Variants in PDE4D observed in about 807,000 individuals in gnomAD.
The protein encoded by PDE4D is phosphodiesterase 4D.
A neutral mutation model predicts 87.4 loss-of-function variants in PDE4D; 24 were observed. That is an observed-to-expected ratio of 0.27 (90% CI 0.20 to 0.39). The LOEUF (loss-of-function observed/expected upper bound fraction) is 0.39. PDE4D is among the 10% of genes least tolerant of loss of function. The pLI is 1.00. For missense variants in PDE4D, 714 were observed against 1,041.0 expected (o/e 0.69, Z 4.32); for synonymous variants, 384 against 383.2 (o/e 1.00, Z -0.02).
chr5:60,279,687 T>TC (rs1370021841), intron 1 of PDE4D, among the ~76,000 whole-genome samples: 1 of 150,912 alleles, frequency 6.6e-6, no homozygotes, highest in Admixed American at 6.6e-5. Flanking sequence ...TTGATTTCTT[T>TC]TTTTTTTTTT....
chr5:59,775,637 G>A (rs528788046), intron 1 of PDE4D, among the ~76,000 whole-genome samples: 4 of 152,230 alleles, frequency 2.6e-5, no homozygotes, highest in African/African-American at 7.2e-5. Flanking sequence ...TTTAGTGCAC[G>A]AAAGATCTTG....
intron 2 of PDE4D, among the ~76,000 whole-genome samples, chr5:60,088,182 TA>T (rs889511690): frequency 2.0e-5 from 3 of 151,108 alleles, no homozygotes; most frequent in African/African-American, 7.3e-5. Context: ...GAAAAAGAGA[TA>T]AAAAACTTTC....
At chr5:60,297,797 C>T (rs1340345569) in intron 1 of PDE4D, among the ~76,000 whole-genome samples, 1 of 152,140 alleles carries the variant, frequency 6.6e-6, no homozygotes, top group Non-Finnish European at 1.5e-5. Context: ...AATAAGATTT[C>T]ATTGTGGAAA....
At chr5:59,389,496 A>G (rs378858) in intron 1 of PDE4D, among the ~76,000 whole-genome samples, 37,661 of 151,842 alleles carry the variant, frequency 0.25, 5,001 homozygotes, top group East Asian at 0.39. Flanking sequence ...TACACTGACG[A>G]TGGGAATGTA....
chr5:60,369,940 C>G (rs1019541585), intron 1 of PDE4D, among the ~76,000 whole-genome samples: 2 of 152,174 alleles, frequency 1.3e-5, no homozygotes, highest in African/African-American at 4.8e-5. Flanking sequence ...ATATCCAAAA[C>G]CTTTCATGTA....
intron 1 of PDE4D, chr5:59,768,219 A>G (rs1581007548): frequency 6.3e-7 from 1 of 1,593,730 alleles, no homozygotes; most frequent in Non-Finnish European, 8.5e-7. Context: ...AACGGCCACC[A>G]TTTCTGCGAG....
At chr5:60,325,925 C>T (rs1437270387) in intron 1 of PDE4D, among the ~76,000 whole-genome samples, 6 of 151,956 alleles carry the variant, frequency 3.9e-5, no homozygotes, top group Non-Finnish European at 7.4e-5. Flanking sequence ...AGTATGCAAC[C>T]CTTGGGGATT....
chr5:60,205,276 C>CT (rs957140139), intron 1 of PDE4D, among the ~76,000 whole-genome samples: 1 of 152,176 alleles, frequency 6.6e-6, no homozygotes, highest in African/African-American at 2.4e-5. Context: ...ACCTGTGAGA[C>CT]TTTGCAGGAC....
chr5:60,090,975 C>A lies in PDE4D; in HGVS notation c.42+94582G>T, dbSNP rs369588336. ...ACATCTGGGAATAAATTTAACCAAA[C>A]AAGTGAATGACCTCTGGAATGAAAA... is the stretch of plus-strand genomic sequence containing the variant. On this transcript the variant is annotated intron_variant, in intron 2 of 16. Transcript: ENST00000502484. Among the ~76,000 whole-genome samples the A allele has an allele frequency of 3.0e-4, 46 of 152,150 alleles. 1 individual carries two copies. Among genetic ancestry groups the A allele is most frequent in the African/African-American group, 1.0e-3 (42 of 41,524 alleles).
intron 5 of PDE4D, among the ~76,000 whole-genome samples, chr5:59,150,810 T>C (rs902064595): frequency 2.0e-5 from 3 of 152,110 alleles, no homozygotes; most frequent in African/African-American, 4.8e-5. Flanking sequence ...ACTAAGGTAA[T>C]TGGTGTCAAG....
intron 5 of PDE4D, among the ~76,000 whole-genome samples, chr5:59,140,225 T>C (rs1358890198): frequency 6.6e-6 from 1 of 152,250 alleles, no homozygotes. Context: ...TAAGTAGTTA[T>C]AACTTGCACC....
chr5:59,588,831 C>A (rs937407510), intron 1 of PDE4D, among the ~76,000 whole-genome samples: 1 of 152,156 alleles, frequency 6.6e-6, no homozygotes, highest in African/African-American at 2.4e-5. Context: ...GTCCTCATGA[C>A]CCCTTTTTGC....
Position 59,053,638 on chromosome 5 carries a change from G to GTTT in PDE4D, c.809-14670_809-14668dup, listed in dbSNP as rs1205199951. On this transcript the variant is annotated intron_variant, in intron 5 of 14. Transcript: ENST00000340635. ...TAAGTTTTATGAATTAAGTTGTTTT[G>GTTT]TTTTTTGTTTTTTTTTGTTGTTGTT... Among the ~76,000 whole-genome samples, 61 of 84,654 alleles carry GTTT rather than the reference G, an allele frequency of 7.2e-4. 1 individual carries two copies. The highest frequency in any genetic ancestry group is 2.9e-3 in the African/African-American group (57 of 19,722). 55.5% of individuals were successfully genotyped at this position (84,654 alleles called of 152,430 possible).
intron 1 of PDE4D, among the ~76,000 whole-genome samples, chr5:59,796,714 TTTAAG>T: frequency 6.6e-6 from 1 of 152,214 alleles, no homozygotes; most frequent in Non-Finnish European, 1.5e-5. Context: ...TGACACTTAT[TTTAAG>T]TTTTCTTTGT....
chr5:58,990,707 G>T, intron 9 of PDE4D, 97 bp downstream of exon 9: 1 of 667,162 alleles, frequency 1.5e-6, no homozygotes, highest in Non-Finnish European at 2.6e-6. Flanking sequence ...TAAGCAAAAG[G>T]TGGGGAATAT....
chr5:60,319,237 A>G (rs1755954346), intron 1 of PDE4D, among the ~76,000 whole-genome samples: 1 of 151,906 alleles, frequency 6.6e-6, no homozygotes, highest in African/African-American at 2.4e-5. Flanking sequence ...CATTCATTTG[A>G]TCTTCCATCA....
rs70975323 is a variant in PDE4D at position 59,639,812 on chromosome 5, AGTGTGTGTGTGTGTGT to A, written c.455+253340_455+253355del. On this transcript the variant is annotated intron_variant, in intron 1 of 14. Transcript: ENST00000340635. ...TGCCAATTTTAAATATAGTGTCTAT[AGTGTGTGTGTGTGTGT>A]GTGTGTGTGTGTGTGTGTGTGTGTG... Among the ~76,000 whole-genome samples the A allele has an allele frequency of 3.5e-3, 509 of 143,704 alleles. 5 individuals are homozygous for A. Among genetic ancestry groups the A allele is most frequent in the African/African-American group, 0.012 (448 of 38,146 alleles). 94.3% of individuals were successfully genotyped at this position (143,704 alleles called of 152,430 possible).
chr5:59,629,496 A>G (rs1831306063), intron 1 of PDE4D, among the ~76,000 whole-genome samples: 1 of 152,104 alleles, frequency 6.6e-6, no homozygotes, highest in Non-Finnish European at 1.5e-5. Context: ...AGAGAAGACG[A>G]AGAGAAAATA....
chr5:60,305,284 G>A (rs963344364), intron 1 of PDE4D, among the ~76,000 whole-genome samples: 6 of 152,028 alleles, frequency 3.9e-5, no homozygotes, highest in African/African-American at 7.2e-5. Context: ...AAAATGAAAA[G>A]GGAGAGAGAA....
Sources: gnomAD v4.1 joint callset for allele counts (sites outside exome capture counted in the v4.1 genomes callset) on GRCh38, gnomAD v4.1.1 for gene constraint, MANE v1.5 for transcripts, NCBI Gene and HGNC (gene_info 2026-07-23, HGNC 2026-07-21) for gene names.